The following GUCY1A2 variants were observed in gnomAD, a reference collection of about 807,000 sequenced individuals.
GUCY1A2 encodes guanylate cyclase soluble subunit alpha-2.
Under a neutral mutation model 63.5 loss-of-function variants are expected in GUCY1A2, and 27 were observed. The ratio of observed to expected loss-of-function variants is 0.43; its 90% CI spans 0.31 to 0.59. The LOEUF (loss-of-function observed/expected upper bound fraction) is 0.59, where lower values mean the gene tolerates loss of function less well. GUCY1A2 is among the 20% of genes least tolerant of loss of function. The pLI, the probability that GUCY1A2 is intolerant of heterozygous loss-of-function variation, is 0.11. For missense variants in GUCY1A2, 768 were observed against 913.3 expected (o/e 0.84, Z 2.05); for synonymous variants, 364 against 343.5 (o/e 1.06, Z -0.66).
Position 106,681,514 on chromosome 11 carries a change from T to G in GUCY1A2, c.*6035A>C, listed in dbSNP as rs1862434560. On this transcript the variant is annotated 3_prime_UTR_variant, in exon 8 of 8. Transcript: ENST00000526355. ...TTTGACAGGAATAGAAATCATATTT[T>G]TATAGCCATGTTTAAAATTATGCAC... 1 of 220,482 alleles carries G rather than the reference T, an allele frequency of 4.5e-6. No homozygotes were observed. The allele number at this position is 220,482 out of a possible 1,614,324, so 13.7% of individuals were successfully genotyped here.
At chr11:107,006,704 T>C (rs1347593116) in intron 1 of GUCY1A2, among the ~76,000 whole-genome samples, 3 of 152,206 alleles carry the variant, frequency 2.0e-5, no homozygotes, top group Admixed American at 1.3e-4. Flanking sequence ...TATCAAGCAC[T>C]TGATTATCTA....
intron 4 of GUCY1A2, chr11:106,826,668 A>G: frequency 6.2e-7 from 1 of 1,609,094 alleles, no homozygotes; most frequent in Non-Finnish European, 8.5e-7. Context: ...TTGTCACATG[A>G]GCAAACAGTT....
chr11:106,732,502 G>A (rs955531799), intron 6 of GUCY1A2, among the ~76,000 whole-genome samples: 1 of 152,116 alleles, frequency 6.6e-6, no homozygotes, highest in Non-Finnish European at 1.5e-5. Context: ...TAATGCATCT[G>A]TAACCTACTA....
At chr11:106,772,742 A>G (rs1864279734) in intron 6 of GUCY1A2, among the ~76,000 whole-genome samples, 1 of 152,144 alleles carries the variant, frequency 6.6e-6, no homozygotes, top group Non-Finnish European at 1.5e-5. Flanking sequence ...TTCAATACAA[A>G]CATACTCTCC....
chr11:106,718,223 A>G (rs1231345420), intron 6 of GUCY1A2, among the ~76,000 whole-genome samples: 2 of 152,200 alleles, frequency 1.3e-5, no homozygotes, highest in African/African-American at 4.8e-5. Flanking sequence ...AATTATTCTC[A>G]TCACTGGTAA....
intron 6 of GUCY1A2, chr11:106,746,708 C>T: frequency 1.1e-6 from 1 of 871,862 alleles, no homozygotes; most frequent in Non-Finnish European, 1.8e-6. Context: ...AGTACTGTGA[C>T]ATTTTTTATT....
chr11:106,921,761 G>C (rs558620178), intron 4 of GUCY1A2, among the ~76,000 whole-genome samples: 1 of 151,952 alleles, frequency 6.6e-6, no homozygotes, highest in Non-Finnish European at 1.5e-5. Context: ...AAGCAAACAA[G>C]CAAAAAAACA....
At chr11:106,805,870 T>C (rs1399473467) in intron 5 of GUCY1A2, among the ~76,000 whole-genome samples, 2 of 152,170 alleles carry the variant, frequency 1.3e-5, no homozygotes, top group Non-Finnish European at 2.9e-5. Context: ...ACAGCCTAAA[T>C]TGTACAAAAA....
At chr11:106,883,358 G>A (rs1859852755) in intron 4 of GUCY1A2, among the ~76,000 whole-genome samples, 1 of 152,090 alleles carries the variant, frequency 6.6e-6, no homozygotes, top group African/African-American at 2.4e-5. Flanking sequence ...TTCATAATGT[G>A]TTATTTGTAT....
At chr11:106,913,555 C>T (rs898375441) in intron 4 of GUCY1A2, among the ~76,000 whole-genome samples, 2 of 152,092 alleles carry the variant, frequency 1.3e-5, no homozygotes, top group Non-Finnish European at 2.9e-5. Context: ...TCCCACTAAG[C>T]CCCATCTCCC....
intron 4 of GUCY1A2, among the ~76,000 whole-genome samples, chr11:106,876,447 G>A (rs1016729530): frequency 6.6e-6 from 1 of 152,034 alleles, no homozygotes; most frequent in African/African-American, 2.4e-5. Flanking sequence ...ACAATTTATA[G>A]AAATGCATTG....
chr11:106,820,578 T>C (rs1858888682), intron 4 of GUCY1A2, among the ~76,000 whole-genome samples: 1 of 152,072 alleles, frequency 6.6e-6, no homozygotes, highest in South Asian at 2.1e-4. Flanking sequence ...TTTGTATTTT[T>C]AGTACAGACA....
At chr11:106,847,081 A>G (rs1859283416) in intron 4 of GUCY1A2, among the ~76,000 whole-genome samples, 1 of 151,384 alleles carries the variant, frequency 6.6e-6, no homozygotes, top group Admixed American at 6.6e-5. Context: ...CATTATCAGC[A>G]GAAACAATCC....
intron 4 of GUCY1A2, among the ~76,000 whole-genome samples, chr11:106,833,938 C>A (rs1398898439): frequency 6.6e-6 from 1 of 151,876 alleles, no homozygotes; most frequent in Admixed American, 6.6e-5. Context: ...TATTAAGGTA[C>A]AATTGATAAA....
intron 7 of GUCY1A2, among the ~76,000 whole-genome samples, chr11:106,705,204 G>T (rs1313916689): frequency 6.6e-6 from 1 of 152,090 alleles, no homozygotes; most frequent in East Asian, 1.9e-4. Flanking sequence ...AAATATGGTG[G>T]AGTCATACAC....
At chr11:106,830,182 ATTT>A (rs1859031027) in intron 4 of GUCY1A2, among the ~76,000 whole-genome samples, 1 of 152,198 alleles carries the variant, frequency 6.6e-6, no homozygotes, top group Non-Finnish European at 1.5e-5. Context: ...TCATGTCAGC[ATTT>A]AAGTGTTATT....
Position 106,681,721 on chromosome 11 carries a change from T to C in GUCY1A2, c.*5828A>G, listed in dbSNP as rs981562807. 9 of 220,038 alleles carry C rather than the reference T, an allele frequency of 4.1e-5. No homozygotes were observed. Among genetic ancestry groups the C allele is most frequent in the Non-Finnish European group, 8.2e-5 (9 of 109,838 alleles). The allele number at this position is 220,038 out of a possible 1,614,324, so 13.6% of individuals were successfully genotyped here. ...CACACCAGCTATATTATTGCTTGTATAAAACATGTTTCTGTTTTCACAAAG... is the reference window on the plus strand; with the variant it reads ...CACACCAGCTATATTATTGCTTGTACAAAACATGTTTCTGTTTTCACAAAG... On this transcript the variant is annotated 3_prime_UTR_variant, in exon 8 of 8. Coordinates refer to ENST00000526355, the MANE Select transcript of GUCY1A2 (RefSeq NM_000855.3).
chr11:106,968,504 T>C (rs1232581021), intron 3 of GUCY1A2, among the ~76,000 whole-genome samples: 1 of 152,222 alleles, frequency 6.6e-6, no homozygotes, highest in Non-Finnish European at 1.5e-5. Context: ...TCCTGACCAT[T>C]ATGTAGGAGT....
Position 107,011,597 on chromosome 11 carries a change from T to C in GUCY1A2, c.303+6156A>G, listed in dbSNP as rs1039376409. Among the ~76,000 whole-genome samples, 3 of 143,304 alleles carry C rather than the reference T, an allele frequency of 2.1e-5. No homozygotes were observed. The Admixed American group carries it at 2.1e-4, about 10-fold the overall frequency. 94.0% of individuals were successfully genotyped at this position (143,304 alleles called of 152,430 possible). A position where few individuals can be genotyped will look rare whatever the true frequency, so the allele number is the denominator to read the frequency against. The stretch of plus-strand genomic sequence containing the variant: ...TATATATTTATAATATATAAATATA[T>C]ATCTTTAATATATATAAAAAGGAGT... On this transcript the variant is annotated intron_variant, in intron 1 of 7. Transcript: ENST00000526355.
Sources: gnomAD v4.1 joint callset for allele counts (sites outside exome capture counted in the v4.1 genomes callset) on GRCh38, gnomAD v4.1.1 for gene constraint, MANE v1.5 for transcripts, NCBI Gene and HGNC (gene_info 2026-07-23, HGNC 2026-07-21) for gene names.